Variants in DPH6 observed in about 807,000 individuals in gnomAD.
The protein encoded by DPH6 is diphthamine biosynthesis 6, also known as diphthine--ammonia ligase.
In DPH6, 33 loss-of-function variants were observed where a neutral mutation model predicts 38.2. That is an observed-to-expected ratio of 0.86 (90% CI 0.65 to 1.15). The LOEUF is 1.15. DPH6 is among the 50% of genes most tolerant of loss of function. DPH6 has a pLI of 0.00. For synonymous variants in DPH6, 108 were observed against 103.0 expected, an observed-to-expected ratio of 1.05 and a Z score of -0.30; for missense variants, 325 against 320.0, an observed-to-expected ratio of 1.02 and a Z score of -0.12.
intron 5 of DPH6, among the ~76,000 whole-genome samples, chr15:35,438,769 T>C (rs572279217): frequency 6.6e-6 from 1 of 152,356 alleles, no homozygotes; most frequent in African/African-American, 2.4e-5. Flanking sequence ...TTTTAGTTCA[T>C]GTGACTTTAG....
At chr15:35,350,566 T>C (rs2052501538) in intron 3 of DPH6, among the ~76,000 whole-genome samples, 1 of 152,164 alleles carries the variant, frequency 6.6e-6, no homozygotes, top group Non-Finnish European at 1.5e-5. Flanking sequence ...AAGGTAGGCA[T>C]TTACTACTCC....
chr15:35,512,756 A>T (rs1034217142), intron 3 of DPH6, among the ~76,000 whole-genome samples: 11 of 152,284 alleles, frequency 7.2e-5, no homozygotes, highest in Admixed American at 7.2e-4. Flanking sequence ...TTAAAATATA[A>T]ATAATGAATT....
the DPH6 span, among the ~76,000 whole-genome samples, chr15:35,182,196 G>C: frequency 7.9e-6 from 1 of 127,250 alleles, no homozygotes; most frequent in Non-Finnish European, 1.6e-5. Flanking sequence ...AAATAATGCT[G>C]ATCAAAACTG....
At chr15:35,288,953 T>A (rs977626558) in intron 3 of DPH6, among the ~76,000 whole-genome samples, 2 of 152,080 alleles carry the variant, frequency 1.3e-5, no homozygotes, top group Non-Finnish European at 2.9e-5. Flanking sequence ...AAACTACACA[T>A]CACCAAAAAA....
At chr15:35,529,375 T>A (rs1455777383) in intron 3 of DPH6, among the ~76,000 whole-genome samples, 1 of 152,076 alleles carries the variant, frequency 6.6e-6, no homozygotes, top group African/African-American at 2.4e-5. Context: ...GAGAACTCTA[T>A]CATGAGAACA....
At chr15:35,536,822 G>A (rs1010219041) in intron 3 of DPH6, among the ~76,000 whole-genome samples, 1 of 152,030 alleles carries the variant, frequency 6.6e-6, no homozygotes, top group Non-Finnish European at 1.5e-5. Context: ...AAACTGTCAA[G>A]ATCATAATTG....
chr15:35,419,943 T>G, intron 5 of DPH6, among the ~76,000 whole-genome samples: 1 of 152,144 alleles, frequency 6.6e-6, no homozygotes, highest in Non-Finnish European at 1.5e-5. Flanking sequence ...AGGAACCTAA[T>G]AGATATTTAC....
chr15:35,229,532 G>A (rs2051503362), intron 3 of DPH6, among the ~76,000 whole-genome samples: 1 of 152,010 alleles, frequency 6.6e-6, no homozygotes, highest in Admixed American at 6.5e-5. Context: ...TGTTTCTCTA[G>A]TGTTGATTCC....
intron 5 of DPH6, among the ~76,000 whole-genome samples, chr15:35,421,056 T>A (rs764587572): frequency 2.6e-5 from 4 of 152,054 alleles, no homozygotes; most frequent in Non-Finnish European, 5.9e-5. Flanking sequence ...ATGGATACAT[T>A]CCTAGAAACC....
chr15:35,398,524 G>A (rs1029556945), intron 6 of DPH6, among the ~76,000 whole-genome samples: 9 of 132,284 alleles, frequency 6.8e-5, no homozygotes, highest in Admixed American at 2.2e-4. Context: ...GGAGGATGGT[G>A]CGCTGAGAGA....
intron 5 of DPH6, among the ~76,000 whole-genome samples, chr15:35,439,471 C>A (rs1012813823): frequency 1.3e-5 from 2 of 152,302 alleles, no homozygotes; most frequent in Non-Finnish European, 2.9e-5. Context: ...CAATAAGAAT[C>A]CATTTTCTCT....
intron 3 of DPH6, among the ~76,000 whole-genome samples, chr15:35,477,869 A>G (rs2054280892): frequency 1.3e-5 from 2 of 151,938 alleles, no homozygotes. Context: ...GGGAAATGTT[A>G]TTTTAATGAA....
chr15:35,431,655 G>A (rs2053633574), intron 5 of DPH6, among the ~76,000 whole-genome samples: 1 of 152,144 alleles, frequency 6.6e-6, no homozygotes, highest in Admixed American at 6.5e-5. Flanking sequence ...GAATCCATAA[G>A]AAAGAAATAT....
In DPH6 at chr15:35,450,807, C is replaced by A. The variant is rs1436712800; in HGVS notation, c.387-4G>T. 2 of 1,580,646 alleles carry A rather than the reference C, an allele frequency of 1.3e-6. No homozygotes were observed. Among genetic ancestry groups the A allele is most frequent in the African/African-American group, 1.4e-5 (1 of 72,964 alleles). On this transcript the variant is annotated splice_polypyrimidine_tract_variant and splice_region_variant and intron_variant, in intron 4 of 8. Coordinates refer to ENST00000256538, the MANE Select transcript of DPH6 (RefSeq NM_080650.4). ...CTGGAGATTAAGCCTTTTACACCTA[C>A]AAAAGAAAAAGAAAAAGAAAGTCAG...
chr15:35,410,631 C>T (rs1595539785), intron 6 of DPH6, among the ~76,000 whole-genome samples: 1 of 151,572 alleles, frequency 6.6e-6, no homozygotes, highest in African/African-American at 2.4e-5. Context: ...ATAACTGTGT[C>T]ATATCTGGGT....
intron 3 of DPH6, among the ~76,000 whole-genome samples, chr15:35,249,233 T>C (rs1457363366): frequency 3.9e-5 from 6 of 152,194 alleles, no homozygotes; most frequent in Non-Finnish European, 7.3e-5. Context: ...AGCATCCTCT[T>C]GTGAACCTCC....
At chr15:35,222,488 T>C (rs191954668) in intron 3 of DPH6, among the ~76,000 whole-genome samples, 1 of 152,216 alleles carries the variant, frequency 6.6e-6, no homozygotes, top group East Asian at 1.9e-4. Flanking sequence ...CATCAACCAA[T>C]ACATGTAAAA....
At chr15:35,188,874 CA>C in the DPH6 span, among the ~76,000 whole-genome samples, 55 of 139,360 alleles carry the variant, frequency 3.9e-4, no homozygotes, top group Admixed American at 6.4e-4. Flanking sequence ...TAGAGTGCCT[CA>C]AAAAAAAAAA....
chr15:35,482,381 T>A (rs369442600), intron 3 of DPH6, among the ~76,000 whole-genome samples: 4 of 152,176 alleles, frequency 2.6e-5, no homozygotes, highest in Non-Finnish European at 1.5e-5. Context: ...CTCCCTGACC[T>A]GAGGCTGTGC....
Sources: allele counts gnomAD v4.1 joint callset (sites outside exome capture counted in the v4.1 genomes callset), GRCh38; gene constraint gnomAD v4.1.1; transcripts MANE v1.5; gene names NCBI Gene and HGNC (gene_info 2026-07-23, HGNC 2026-07-21).